STK3: variants seen among roughly 807,000 people sequenced by gnomAD.
STK3 encodes the protein serine/threonine-protein kinase 3.
Under a neutral mutation model 58.0 loss-of-function variants are expected in STK3, and 41 were observed. The ratio of observed to expected loss-of-function variants is 0.71; its 90% CI spans 0.55 to 0.92. The LOEUF is 0.92. Among genes scored for constraint, STK3 ranks in the 40% least tolerant of loss-of-function variants. STK3 has a pLI of 0.00. For synonymous variants in STK3, 170 were observed against 191.0 expected, an observed-to-expected ratio of 0.89 and a Z score of 0.91; for missense variants, 479 against 602.7, an observed-to-expected ratio of 0.79 and a Z score of 2.15.
chr8:98,689,345 C>T (rs746265858), intron 6 of STK3, among the ~76,000 whole-genome samples: 4 of 152,018 alleles, frequency 2.6e-5, no homozygotes, highest in Admixed American at 1.3e-4. Context: ...TACAAAAAAT[C>T]GAAGAGGAGG....
rs558549720 is a variant in STK3 at position 98,634,060 on chromosome 8, G to C, written c.685-37891C>G. 1.7e-4 allele frequency among the ~76,000 whole-genome samples: 26 copies of C among 152,254 alleles called. 1 individual carries two copies. The South Asian group carries it at 3.9e-3, about 23-fold the overall frequency. On this transcript the variant is annotated intron_variant, in intron 6 of 10. Transcript: ENST00000419617. ...AAATAAAGATGTGGACGAAAAGAAGGGGATATTACTTGAGAGATATTAAGA... is the reference window on the plus strand; with the variant it reads ...AAATAAAGATGTGGACGAAAAGAAGCGGATATTACTTGAGAGATATTAAGA...
chr8:98,769,769 T>C (rs951741999), intron 2 of STK3, among the ~76,000 whole-genome samples: 3 of 152,184 alleles, frequency 2.0e-5, no homozygotes, highest in African/African-American at 7.2e-5. Context: ...AAATAAAGTA[T>C]AAGGACTATA....
At chr8:98,819,584 T>A (rs1834760035) in intron 1 of STK3, among the ~76,000 whole-genome samples, 1 of 152,198 alleles carries the variant, frequency 6.6e-6, no homozygotes, top group Admixed American at 6.5e-5. Context: ...GAGATGCTCC[T>A]GTTTGGTTGG....
chr8:98,905,060 G>A, intron 1 of STK3: 1 of 1,047,516 alleles, frequency 9.5e-7, no homozygotes, highest in Non-Finnish European at 1.5e-6. Context: ...AGCCCATGGT[G>A]TAAGGCGTGT....
At chr8:98,552,193 A>C (rs747159336) in intron 8 of STK3, among the ~76,000 whole-genome samples, 2 of 152,102 alleles carry the variant, frequency 1.3e-5, no homozygotes, top group Non-Finnish European at 1.5e-5. Context: ...ATTCTAGTCC[A>C]AGCCACCATC....
At chr8:98,938,246 CA>C (rs1840266997) in intron 1 of STK3, among the ~76,000 whole-genome samples, 1 of 152,024 alleles carries the variant, frequency 6.6e-6, no homozygotes. Context: ...TTCTATTGTT[CA>C]CTGCCCAAAA....
At position 98,599,375 on chromosome 8, in the gene STK3, C is replaced by G. The variant is rs1408858834; in HGVS notation, c.685-3206G>C. Reference sequence around the variant, plus strand: ...ACAGTACAATGTGATGAGGCCAATACTGGACATGAGTCAGAAAAACTGGCT... The same window carrying G: ...ACAGTACAATGTGATGAGGCCAATAGTGGACATGAGTCAGAAAAACTGGCT... On this transcript the variant is annotated intron_variant, in intron 6 of 10. Transcript: ENST00000419617. Among the ~76,000 whole-genome samples, 3 of 151,896 alleles carry G rather than the reference C, an allele frequency of 2.0e-5. No individual in the cohort carries two copies. In the East Asian group the frequency reaches 5.8e-4, roughly 29 times the overall value.
Position 98,652,594 on chromosome 8 carries a change from G to A in STK3, c.684+53873C>T, listed in dbSNP as rs1243137993. ...GCTGTATTCAGGAAACCCATCTCAC[G>A]TGCAGAGACACACATAGGCTCAAAA... On this transcript the variant is annotated intron_variant, in intron 6 of 10. Transcript: ENST00000419617. Among the ~76,000 whole-genome samples the A allele has an allele frequency of 1.4e-4, 21 of 145,122 alleles. No individual in the cohort carries two copies. In the East Asian group the frequency reaches 2.8e-3, roughly 19 times the overall value.
intron 6 of STK3, among the ~76,000 whole-genome samples, chr8:98,682,805 A>G (rs1000947324): frequency 3.9e-5 from 6 of 152,018 alleles, no homozygotes; most frequent in African/African-American, 1.5e-4. Flanking sequence ...CCAAAAATGT[A>G]AATTTTTAAG....
chr8:98,679,240 G>C (rs904166793), intron 6 of STK3, among the ~76,000 whole-genome samples: 5 of 152,122 alleles, frequency 3.3e-5, no homozygotes, highest in Non-Finnish European at 7.3e-5. Flanking sequence ...AAAAGTCTAA[G>C]CACTGATTGT....
chr8:98,789,645 G>C (rs1416090083), intron 1 of STK3, among the ~76,000 whole-genome samples: 1 of 152,100 alleles, frequency 6.6e-6, no homozygotes, highest in East Asian at 1.9e-4. Context: ...GCATAAACTA[G>C]AAAACCTAGA....
At chr8:98,627,865 G>A (rs772860079) in intron 6 of STK3, among the ~76,000 whole-genome samples, 9 of 152,166 alleles carry the variant, frequency 5.9e-5, no homozygotes, top group Admixed American at 2.6e-4. Flanking sequence ...CATTTTTACA[G>A]GGTATGAGGT....
chr8:98,369,130 G>A (rs189969134), downstream of STK3, among the ~76,000 whole-genome samples: 75 of 152,270 alleles, frequency 4.9e-4, no homozygotes, highest in African/African-American at 1.8e-3. Context: ...TGATAATTGT[G>A]TGCCCACTAA....
intron 3 of STK3, among the ~76,000 whole-genome samples, chr8:98,841,681 CAAA>C (rs10605812): frequency 3.2e-4 from 28 of 86,688 alleles, no homozygotes; most frequent in East Asian, 2.0e-3. Context: ...GACCTGGTCT[CAAA>C]AAAAAAAAAA....
intron 6 of STK3, among the ~76,000 whole-genome samples, chr8:98,605,142 C>T (rs570111144): frequency 6.6e-6 from 1 of 152,276 alleles, no homozygotes; most frequent in East Asian, 1.9e-4. Flanking sequence ...TTCCTGTCTT[C>T]TTATGAGCCC....
At chr8:98,939,812 C>T (rs1485734819) in intron 1 of STK3, among the ~76,000 whole-genome samples, 1 of 152,254 alleles carries the variant, frequency 6.6e-6, no homozygotes, top group Non-Finnish European at 1.5e-5. Context: ...ACGTTGAGCA[C>T]GACAGCCGGG....
chr8:98,347,442 G>A, the STK3 span, among the ~76,000 whole-genome samples: 1 of 151,644 alleles, frequency 6.6e-6, no homozygotes, highest in Non-Finnish European at 1.5e-5. Context: ...GTGAACCCAG[G>A]AGGCAGAGCT....
chr8:98,832,820 G>A (rs925983972), intron 3 of STK3, among the ~76,000 whole-genome samples: 2 of 152,068 alleles, frequency 1.3e-5, no homozygotes, highest in African/African-American at 4.8e-5. Flanking sequence ...GGACAAATAT[G>A]GCCACCAATG....
intron 4 of STK3, among the ~76,000 whole-genome samples, chr8:98,744,091 G>A (rs1371775128): frequency 2.6e-5 from 4 of 152,136 alleles, no homozygotes; most frequent in African/African-American, 4.8e-5. Flanking sequence ...ACAGGTGCTG[G>A]AGAGGATGTG....
Sources: allele counts gnomAD v4.1 joint callset (sites outside exome capture counted in the v4.1 genomes callset), GRCh38; gene constraint gnomAD v4.1.1; transcripts MANE v1.5; gene names NCBI Gene and HGNC (gene_info 2026-07-23, HGNC 2026-07-21).